Variants in DYM observed in about 807,000 individuals in gnomAD.
The protein encoded by DYM is dymeclin, also known as dyggve-Melchior-Clausen syndrome protein.
DYM carries 78 observed loss-of-function variants against 93.1 expected under a neutral mutation model. That is an observed-to-expected ratio of 0.84 (90% CI 0.70 to 1.01). DYM has a LOEUF of 1.01. Among genes scored for constraint, DYM ranks in the 50% least tolerant of loss-of-function variants. The pLI is 0.00. For missense variants in DYM, 789 were observed against 845.0 expected (o/e 0.93, Z 0.82); for synonymous variants, 321 against 319.7 (o/e 1.00, Z -0.04).
At chr18:49,131,961 T>G (rs1211525191) in intron 15 of DYM, among the ~76,000 whole-genome samples, 3 of 152,178 alleles carry the variant, frequency 2.0e-5, no homozygotes, top group African/African-American at 4.8e-5. Context: ...TGCTCTAGAT[T>G]AAAAGAGACA....
At chr18:49,230,632 A>G (rs1468464713) in intron 13 of DYM, among the ~76,000 whole-genome samples, 1 of 152,208 alleles carries the variant, frequency 6.6e-6, no homozygotes, top group Non-Finnish European at 1.5e-5. Flanking sequence ...ATTGGCCCCA[A>G]ACAAACAAAA....
chr18:49,265,650 C>T (rs989055544), intron 11 of DYM, among the ~76,000 whole-genome samples: 47 of 151,452 alleles, frequency 3.1e-4, no homozygotes, highest in African/African-American at 9.9e-4. Flanking sequence ...TGGTGGCGGG[C>T]GCCTGTAATC....
In DYM at chr18:49,098,566, G is replaced by A. The variant is rs150169397; in HGVS notation, c.1912-1051C>T. Among the ~76,000 whole-genome samples the A allele has an allele frequency of 4.9e-4, 74 of 152,360 alleles. No homozygotes were observed. In the East Asian group the frequency reaches 9.4e-3, roughly 19 times the overall value. ...GTGCCTCACAATTCTGTGGCAATGA[G>A]TGAGAACAAAGGCAGCTCATGGCTG... On this transcript the variant is annotated intron_variant, in intron 16 of 17. Coordinates refer to ENST00000675505, the MANE Select transcript of DYM (RefSeq NM_001353214.3).
chr18:49,436,897 T>C (rs1463769811), intron 1 of DYM, among the ~76,000 whole-genome samples: 1 of 152,194 alleles, frequency 6.6e-6, no homozygotes, highest in East Asian at 1.9e-4. Flanking sequence ...TTTTTTTGTG[T>C]GGTAACTTAA....
intron 11 of DYM, among the ~76,000 whole-genome samples, chr18:49,263,187 C>T (rs543362042): frequency 3.3e-5 from 5 of 151,792 alleles, no homozygotes; most frequent in South Asian, 4.2e-4. Flanking sequence ...GGCACGATCT[C>T]GGCTCACTGC....
intron 15 of DYM, among the ~76,000 whole-genome samples, chr18:49,137,806 A>G (rs1296529264): frequency 2.6e-5 from 4 of 152,232 alleles, no homozygotes; most frequent in Non-Finnish European, 5.9e-5. Context: ...AATCACAGAG[A>G]TAGGGAGCAA....
chr18:49,209,381 A>G (rs2092675622), intron 14 of DYM, among the ~76,000 whole-genome samples, 170 bp downstream of exon 14: 1 of 152,264 alleles, frequency 6.6e-6, no homozygotes, highest in Admixed American at 6.5e-5. Context: ...TTAAGAAGAC[A>G]TTTGTAAGGA....
chr18:49,425,924 A>G (rs202041261), intron 2 of DYM, among the ~76,000 whole-genome samples: 13,155 of 151,150 alleles, frequency 0.087, 646 homozygotes, highest in East Asian at 0.28. Context: ...GTGGAGAAAT[A>G]GGAACACTTT....
chr18:49,225,555 T>G (rs2093498130), intron 13 of DYM, among the ~76,000 whole-genome samples: 1 of 152,128 alleles, frequency 6.6e-6, no homozygotes, highest in Non-Finnish European at 1.5e-5. Context: ...ATAATAATAA[T>G]GAACCTCTTT....
At chr18:49,080,132 C>T (rs1247814145) in intron 17 of DYM, among the ~76,000 whole-genome samples, 1 of 31,630 alleles carries the variant, frequency 3.2e-5, no homozygotes. Context: ...CACCTCCCTC[C>T]CGGACGGGGC....
chr18:49,098,638 T>C, intron 16 of DYM, among the ~76,000 whole-genome samples: 1 of 152,212 alleles, frequency 6.6e-6, no homozygotes, highest in African/African-American at 2.4e-5. Flanking sequence ...TCTCAAGCAG[T>C]TTGCTGGCAC....
intron 3 of DYM, among the ~76,000 whole-genome samples, chr18:49,381,716 C>A (rs2068057132): frequency 6.6e-6 from 1 of 152,158 alleles, no homozygotes; most frequent in African/African-American, 2.4e-5. Flanking sequence ...GCTGGAGAAT[C>A]CCACTGTGAG....
chr18:49,288,499 C>G (rs1405466220), intron 8 of DYM, among the ~76,000 whole-genome samples: 2 of 152,036 alleles, frequency 1.3e-5, no homozygotes, highest in Non-Finnish European at 2.9e-5. Flanking sequence ...CAAATCTAGG[C>G]TGGGTATAGG....
At chr18:49,058,512 G>A (rs1194078875) in intron 17 of DYM, among the ~76,000 whole-genome samples, 1 of 151,988 alleles carries the variant, frequency 6.6e-6, no homozygotes, top group African/African-American at 2.4e-5. Context: ...TAGAGATGGG[G>A]TCTCACTATG....
intron 6 of DYM, among the ~76,000 whole-genome samples, chr18:49,344,003 T>TA (rs1373271639): frequency 6.6e-6 from 1 of 151,636 alleles, no homozygotes; most frequent in Non-Finnish European, 1.5e-5. Context: ...ACAGAACTAG[T>TA]AGTAACAACA....
At chr18:49,073,960 A>C (rs1450893761) in intron 17 of DYM, among the ~76,000 whole-genome samples, 1 of 152,182 alleles carries the variant, frequency 6.6e-6, no homozygotes, top group Non-Finnish European at 1.5e-5. Context: ...AAGGTAAAAT[A>C]ATTTGGTATC....
chr18:49,153,725 T>C (rs942269770), intron 15 of DYM, among the ~76,000 whole-genome samples: 4 of 152,160 alleles, frequency 2.6e-5, no homozygotes, highest in East Asian at 3.8e-4. Context: ...GTGACAACTC[T>C]TCCTTATAGA....
chr18:49,321,826 A>G (rs1016761198), intron 8 of DYM, among the ~76,000 whole-genome samples: 3 of 152,122 alleles, frequency 2.0e-5, no homozygotes, highest in Non-Finnish European at 4.4e-5. Context: ...AGATGAAATG[A>G]GAATATAATT....
Position 49,420,007 on chromosome 18 carries a change from T to C in DYM, c.140+10248A>G, listed in dbSNP as rs559530635. On this transcript the variant is annotated intron_variant, in intron 2 of 17. Coordinates refer to ENST00000675505, the MANE Select transcript of DYM (RefSeq NM_001353214.3). ...AGGATTAAGGAAATGATTTCAAAAGTTGTTGATGCTATAGCTCATCCCCAG... is the reference window on the plus strand; with the variant it reads ...AGGATTAAGGAAATGATTTCAAAAGCTGTTGATGCTATAGCTCATCCCCAG... Among the ~76,000 whole-genome samples, 3 of 152,302 alleles carry C rather than the reference T, an allele frequency of 2.0e-5. No homozygotes were observed. In the East Asian group the frequency reaches 5.8e-4, roughly 29 times the overall value.
Sources: allele counts gnomAD v4.1 joint callset (sites outside exome capture counted in the v4.1 genomes callset), GRCh38; gene constraint gnomAD v4.1.1; transcripts MANE v1.5; gene names NCBI Gene and HGNC (gene_info 2026-07-23, HGNC 2026-07-21).